ATG10: variants seen among roughly 807,000 people sequenced by gnomAD.
The protein encoded by ATG10 is ubiquitin-like-conjugating enzyme ATG10.
A neutral mutation model predicts 32.1 loss-of-function variants in ATG10; 30 were observed. That is an observed-to-expected ratio of 0.94 (90% CI 0.70 to 1.27). The LOEUF (loss-of-function observed/expected upper bound fraction) is 1.27. Among genes scored for constraint, ATG10 ranks in the 50% most tolerant of loss-of-function variants. The pLI, the probability that ATG10 is intolerant of heterozygous loss-of-function variation, is 0.00. For missense variants in ATG10, 233 were observed against 262.3 expected (o/e 0.89, Z 0.77); for synonymous variants, 87 against 91.5 (o/e 0.95, Z 0.28).
chr5:82,177,674 A>T (rs375521885), intron 4 of ATG10, among the ~76,000 whole-genome samples: 20 of 151,976 alleles, frequency 1.3e-4, no homozygotes, highest in African/African-American at 4.1e-4. Flanking sequence ...CACTTTACTT[A>T]CCTTGTGTAT....
chr5:81,985,911 C>T (rs1363928674), intron 1 of ATG10, among the ~76,000 whole-genome samples: 2 of 152,126 alleles, frequency 1.3e-5, no homozygotes, highest in South Asian at 2.1e-4. Context: ...TACAGGCGCC[C>T]GCCACCACGC....
At chr5:82,164,584 T>A in intron 4 of ATG10, 47 bp downstream of exon 4, 1 of 1,513,380 alleles carries the variant, frequency 6.6e-7, no homozygotes, top group African/African-American at 1.4e-5. Context: ...CATTTACATA[T>A]AAAGCAAAAA....
At chr5:81,998,516 T>C (rs1341129381) in intron 2 of ATG10, among the ~76,000 whole-genome samples, 1 of 151,990 alleles carries the variant, frequency 6.6e-6, no homozygotes, top group Non-Finnish European at 1.5e-5. Flanking sequence ...CATGATAACA[T>C]TGATCAAATC....
At chr5:81,976,398 A>G (rs1760877411) in intron 1 of ATG10, 1 of 151,988 alleles carries the variant, frequency 6.6e-6, no homozygotes, top group East Asian at 1.9e-4. Flanking sequence ...CCCAGCAAAA[A>G]CAGCTTCCTG....
At position 82,086,191 on chromosome 5, in the gene ATG10, AATCAAGACATT is replaced by A. The variant is rs373688436; in HGVS notation, c.216+27593_216+27603del. ...TGTATTCTTAGTATAGAGAAAAAAT[AATCAAGACATT>A]ATCCTTACTTTCAAAAAATGTTTTA... On this transcript the variant is annotated intron_variant, in intron 3 of 7. Transcript: ENST00000282185. 5.3e-3 allele frequency among the ~76,000 whole-genome samples: 814 copies of A among 152,312 alleles called. 6 individuals carry two copies. Among genetic ancestry groups the A allele is most frequent in the African/African-American group, 0.018 (769 of 41,570 alleles).
In ATG10 at chr5:82,252,641, A is replaced by T. The variant is rs750865294; in HGVS notation, c.533A>T (p.Asn178Ile). 2.2e-5 allele frequency: 35 copies of T among 1,589,468 alleles called. No homozygotes were observed. The highest frequency in any genetic ancestry group is 2.7e-5 in the Non-Finnish European group (32 of 1,166,510). ...GAATTCATGACTCCTGTATTAAAGA[A>T]TTCTCAGAAAATCAATAAGTAAGAA... ...TNEFMTPVLK[N>I]SQKINKNVNY... The change falls in exon 6 of 8, where the codon AAT (asparagine) becomes ATT (isoleucine). Residue 178 changes from asparagine to isoleucine, a missense_variant. Asn to Ile is a moderately radical substitution (Grantham distance 149). Coordinates refer to ENST00000282185, the MANE Select transcript of ATG10 (RefSeq NM_031482.5).
intron 3 of ATG10, among the ~76,000 whole-genome samples, chr5:82,103,136 A>G (rs1053488438): frequency 6.6e-6 from 1 of 152,150 alleles, no homozygotes; most frequent in Non-Finnish European, 1.5e-5. Flanking sequence ...CAAATAACTC[A>G]TCTGGAGCTC....
At chr5:82,128,995 CA>C (rs1308817233) in intron 3 of ATG10, among the ~76,000 whole-genome samples, 2 of 151,716 alleles carry the variant, frequency 1.3e-5, no homozygotes, top group Non-Finnish European at 2.9e-5. Context: ...TCAAGTACAC[CA>C]ATCCAATGTA....
intron 3 of ATG10, among the ~76,000 whole-genome samples, chr5:82,077,969 G>A (rs1427289840): frequency 6.6e-6 from 1 of 152,204 alleles, no homozygotes; most frequent in Non-Finnish European, 1.5e-5. Context: ...TTATTAGGGA[G>A]TAAGGTCTTA....
intron 5 of ATG10, among the ~76,000 whole-genome samples, chr5:82,243,266 A>T (rs1746877420): frequency 6.6e-6 from 1 of 152,072 alleles, no homozygotes; most frequent in South Asian, 2.1e-4. Context: ...AGAAAAGGAA[A>T]GGAAGAAACA....
intron 3 of ATG10, among the ~76,000 whole-genome samples, chr5:82,145,415 C>T (rs1767311942): frequency 6.6e-6 from 1 of 151,940 alleles, no homozygotes. Context: ...CACTTCTTTA[C>T]ATTATTTTAT....
At chr5:82,153,413 A>C (rs1257808482) in intron 3 of ATG10, among the ~76,000 whole-genome samples, 4 of 152,186 alleles carry the variant, frequency 2.6e-5, no homozygotes, top group Non-Finnish European at 5.9e-5. Flanking sequence ...GGGCAACAGA[A>C]AGTGTAGGCA....
At chr5:82,052,081 T>G (rs1360703817) in intron 2 of ATG10, among the ~76,000 whole-genome samples, 2 of 152,162 alleles carry the variant, frequency 1.3e-5, no homozygotes, top group African/African-American at 4.8e-5. Flanking sequence ...TTCAGTTGTC[T>G]TCCTCCTTTA....
At position 81,999,282 on chromosome 5, in the gene ATG10, A is replaced by G. The variant is rs137972861; in HGVS notation, c.108+11604A>G. ...ATGGAAATTAACCTGCTCCTGAATGACTGGGTAAATAATGAAATTAAGGCA... is the reference window on the plus strand; with the variant it reads ...ATGGAAATTAACCTGCTCCTGAATGGCTGGGTAAATAATGAAATTAAGGCA... On this transcript the variant is annotated intron_variant, in intron 2 of 7. Transcript: ENST00000282185. Among the ~76,000 whole-genome samples, 303 of 152,256 alleles carry G rather than the reference A, an allele frequency of 2.0e-3. 4 individuals are homozygous for G. The highest frequency in any genetic ancestry group is 4.3e-4 in the Non-Finnish European group (29 of 68,006).
intron 3 of ATG10, among the ~76,000 whole-genome samples, chr5:82,158,600 T>A (rs1319116464): frequency 6.6e-6 from 1 of 151,816 alleles, no homozygotes; most frequent in Non-Finnish European, 1.5e-5. Flanking sequence ...CTCTACCATT[T>A]TATATAAGAA....
At chr5:81,975,850 G>A (rs1166811538) in intron 1 of ATG10, among the ~76,000 whole-genome samples, 2 of 151,672 alleles carry the variant, frequency 1.3e-5, no homozygotes, top group African/African-American at 2.4e-5. Context: ...AGTATTTGAG[G>A]TAGCTTAAAC....
intron 2 of ATG10, among the ~76,000 whole-genome samples, chr5:82,026,673 G>A (rs1195291520): frequency 1.3e-5 from 2 of 151,850 alleles, no homozygotes; most frequent in African/African-American, 4.8e-5. Flanking sequence ...TTTGTTTTTG[G>A]GAATTAAAAA....
In ATG10 at chr5:82,255,824, A is replaced by G. The variant is rs1407074446; in HGVS notation, c.*1761A>G. The stretch of plus-strand genomic sequence containing the variant: ...CCAGTGGATCACCGAGCACCGTGAC[A>G]GCACCCTCAGTCCACGTCTGCAGAT... On this transcript the variant is annotated 3_prime_UTR_variant, in exon 8 of 8. Transcript: ENST00000282185. 1 of 152,278 alleles carries G rather than the reference A, an allele frequency of 6.6e-6. No homozygotes were observed. The highest frequency in any genetic ancestry group is 6.5e-5 in the Admixed American group (1 of 15,284). 9.4% of individuals were successfully genotyped at this position (152,278 alleles called of 1,614,324 possible). A position where few individuals can be genotyped will look rare whatever the true frequency, so the allele number is the denominator to read the frequency against.
intron 3 of ATG10, among the ~76,000 whole-genome samples, chr5:82,120,395 G>A (rs1765997993): frequency 6.6e-6 from 1 of 152,140 alleles, no homozygotes; most frequent in South Asian, 2.1e-4. Flanking sequence ...TATTAGCCTA[G>A]CAGGCAGTTT....
Sources: gnomAD v4.1 joint callset for allele counts (sites outside exome capture counted in the v4.1 genomes callset) on GRCh38, gnomAD v4.1.1 for gene constraint, MANE v1.5 for transcripts, NCBI Gene and HGNC (gene_info 2026-07-23, HGNC 2026-07-21) for gene names.